STAU2: variants seen among roughly 807,000 people sequenced by gnomAD.
STAU2 encodes the protein staufen double-stranded RNA binding protein 2.
A neutral mutation model predicts 65.9 loss-of-function variants in STAU2; 20 were observed. The ratio of observed to expected loss-of-function variants is 0.30; its 90% CI spans 0.21 to 0.44. The LOEUF (loss-of-function observed/expected upper bound fraction) is 0.44. STAU2 is among the 20% of genes least tolerant of loss of function. The pLI, the probability that STAU2 is intolerant of heterozygous loss-of-function variation, is 1.00. For synonymous variants in STAU2, 232 were observed against 233.9 expected, an observed-to-expected ratio of 0.99 and a Z score of 0.07; for missense variants, 558 against 683.9, an observed-to-expected ratio of 0.82 and a Z score of 2.05.
chr8:73,469,638 C>T (rs141610211), intron 13 of STAU2, among the ~76,000 whole-genome samples: 320 of 151,946 alleles, frequency 2.1e-3, no homozygotes, highest in African/African-American at 7.2e-3. Context: ...AATGCTGCTG[C>T]GTGGATTCTA....
chr8:73,538,293 T>A (rs1376157752), intron 13 of STAU2, among the ~76,000 whole-genome samples: 1 of 152,110 alleles, frequency 6.6e-6, no homozygotes, highest in Non-Finnish European at 1.5e-5. Context: ...TCAGTACTAT[T>A]TTTTTTACTT....
chr8:73,636,998 T>C (rs1040725252), intron 6 of STAU2, among the ~76,000 whole-genome samples: 1 of 151,596 alleles, frequency 6.6e-6, no homozygotes, highest in Non-Finnish European at 1.5e-5. Flanking sequence ...AAACAAATTC[T>C]AGAATATGAT....
chr8:73,500,919 C>T (rs1220806782), intron 13 of STAU2, among the ~76,000 whole-genome samples: 1 of 151,838 alleles, frequency 6.6e-6, no homozygotes. Flanking sequence ...TCTTTAAGTT[C>T]TCCAATGATG....
intron 3 of STAU2, among the ~76,000 whole-genome samples, chr8:73,711,151 A>AAAC (rs1820871511): frequency 6.6e-6 from 1 of 150,510 alleles, no homozygotes; most frequent in Non-Finnish European, 1.5e-5. Flanking sequence ...AAAAAAAAAA[A>AAAC]AAAAAACTAG....
intron 6 of STAU2, among the ~76,000 whole-genome samples, chr8:73,638,030 C>T (rs545099633): frequency 1.3e-4 from 19 of 151,792 alleles, no homozygotes; most frequent in South Asian, 6.2e-4. Flanking sequence ...AAAACAGATT[C>T]GGAATACTAT....
rs1022095316 is a variant in STAU2 at position 73,512,022 on chromosome 8, A to G, written c.1530+39990T>C. Among the ~76,000 whole-genome samples, 7 of 152,102 alleles carry G rather than the reference A, an allele frequency of 4.6e-5. 1 individual carries two copies. In the South Asian group the frequency reaches 6.2e-4, roughly 13 times the overall value. The stretch of plus-strand genomic sequence containing the variant: ...CTGTTGAAAATGTTATTCTTTCCTG[A>G]TTAAATTTCCTTGGCATTTTTATTG... On this transcript the variant is annotated intron_variant, in intron 13 of 14. Coordinates refer to ENST00000524300, the MANE Select transcript of STAU2 (RefSeq NM_001164380.2).
chr8:73,617,303 T>C lies in STAU2; in HGVS notation c.559A>G (p.Arg187Gly). 6.2e-7 allele frequency: 1 copy of C among 1,614,074 alleles called. No homozygotes were observed. Among genetic ancestry groups the C allele is most frequent in the South Asian group, 1.1e-5 (1 of 91,080 alleles). Residue 187 changes from arginine (R) to glycine (G), a missense_variant, in exon 7 of 15, where the codon AGA becomes GGA. This residue lies in a region of STAU2 where 199 missense variants were observed against 299.5 expected (regional missense o/e 0.66). Coordinates refer to ENST00000524300, the MANE Select transcript of STAU2 (RefSeq NM_001164380.2). The stretch of plus-strand genomic sequence containing the variant: ...CAGCAGCACCACACCTGAGGAGATC[T>C]TTCTGGAATAGGTTCATTCTGCAGT... Reference protein sequence around the residue: ...QALQNEPIPERSPQNGESGKD... With the variant: ...QALQNEPIPEGSPQNGESGKD...
At chr8:73,442,510 G>A (rs1282711429) in intron 13 of STAU2, among the ~76,000 whole-genome samples, 1 of 152,092 alleles carries the variant, frequency 6.6e-6, no homozygotes, top group Non-Finnish European at 1.5e-5. Flanking sequence ...TGAATAATAT[G>A]GTCACAAGTG....
At chr8:73,742,208 A>G in intron 1 of STAU2, 1 of 985,172 alleles carries the variant, frequency 1.0e-6, no homozygotes, top group Non-Finnish European at 1.2e-6. Flanking sequence ...TAAAATGCAG[A>G]GCAGTTTTAT....
At chr8:73,557,935 T>C (rs1807912739) in intron 12 of STAU2, among the ~76,000 whole-genome samples, 1 of 152,202 alleles carries the variant, frequency 6.6e-6, no homozygotes. Context: ...ACTGTTCTAG[T>C]ACTTTACTTC....
At chr8:73,715,006 G>A (rs1354218629) in intron 3 of STAU2, among the ~76,000 whole-genome samples, 3 of 151,648 alleles carry the variant, frequency 2.0e-5, no homozygotes, top group South Asian at 2.1e-4. Flanking sequence ...ACTTGAACCC[G>A]GGAGGTGGTG....
chr8:73,703,720 A>C (rs144317402), intron 4 of STAU2, among the ~76,000 whole-genome samples: 1 of 152,334 alleles, frequency 6.6e-6, no homozygotes, highest in African/African-American at 2.4e-5. Flanking sequence ...ACATACCACT[A>C]TATGATTACA....
intron 13 of STAU2, among the ~76,000 whole-genome samples, chr8:73,482,699 G>A (rs570233991): frequency 1.3e-5 from 2 of 152,244 alleles, no homozygotes; most frequent in East Asian, 3.9e-4. Flanking sequence ...TTCATGGTCA[G>A]AGAAATTAAG....
At chr8:73,746,383 G>A (rs1346127799) in intron 1 of STAU2, among the ~76,000 whole-genome samples, 4 of 151,024 alleles carry the variant, frequency 2.6e-5, no homozygotes, top group Non-Finnish European at 4.4e-5. Context: ...TCTTCCGGCC[G>A]CTACCACCCC....
chr8:73,724,310 G>C (rs978109645), intron 3 of STAU2, among the ~76,000 whole-genome samples: 21 of 152,134 alleles, frequency 1.4e-4, no homozygotes, highest in African/African-American at 3.9e-4. Flanking sequence ...ACATGGACCA[G>C]AGGCAAAAGT....
chr8:73,439,079 G>T (rs185560749), intron 13 of STAU2: 1 of 456,114 alleles, frequency 2.2e-6, no homozygotes, highest in Non-Finnish European at 4.4e-6. Flanking sequence ...CTTCCCAGGG[G>T]GTTCTCCATG....
Position 73,420,503 on chromosome 8 carries a change from G to T in STAU2, c.*869C>A. On this transcript the variant is annotated 3_prime_UTR_variant, in exon 15 of 15. Transcript: ENST00000524300. ...CCCGTCATGTACATTATTTATTTTT[G>T]ATCCTACTCACTGTCCCAAGTCCAG... 4.1e-6 allele frequency: 1 copy of T among 244,124 alleles called. No homozygotes were observed. The allele number at this position is 244,124 out of a possible 1,614,324, so 15.1% of individuals were successfully genotyped here.
At chr8:73,483,976 G>A (rs1820781517) in intron 13 of STAU2, among the ~76,000 whole-genome samples, 1 of 152,126 alleles carries the variant, frequency 6.6e-6, no homozygotes, top group South Asian at 2.1e-4. Context: ...ACAGCGTCAG[G>A]AAGGGAGCAT....
chr8:73,620,601 C>A (rs1267563850), intron 6 of STAU2, among the ~76,000 whole-genome samples: 1 of 152,114 alleles, frequency 6.6e-6, no homozygotes, highest in African/African-American at 2.4e-5. Flanking sequence ...CCTTTTTGGT[C>A]ATCAAATATG....
Sources: gnomAD v4.1 joint callset for allele counts (sites outside exome capture counted in the v4.1 genomes callset) on GRCh38, gnomAD v4.1.1 for gene constraint, gnomAD v4.1.1 regional missense constraint, MANE v1.5 for transcripts, NCBI Gene and HGNC (gene_info 2026-07-23, HGNC 2026-07-21) for gene names.